Variants in PPP2CB observed in about 807,000 individuals in gnomAD.
PPP2CB encodes protein phosphatase 2 catalytic subunit beta, also known as serine/threonine-protein phosphatase 2A catalytic subunit beta isoform.
A neutral mutation model predicts 39.1 loss-of-function variants in PPP2CB; 18 were observed. The ratio of observed to expected loss-of-function variants is 0.46; its 90% confidence interval spans 0.32 to 0.68. The LOEUF is 0.68. Among genes scored for constraint, PPP2CB ranks in the 30% least tolerant of loss-of-function variants. The probability of loss-of-function intolerance (pLI) is 0.04; values close to 1 mark genes in which losing one functional copy is unlikely to be tolerated. For missense variants in PPP2CB, 226 were observed against 396.9 expected (o/e 0.57, Z 3.66); for synonymous variants, 129 against 133.8 (o/e 0.96, Z 0.25).
In PPP2CB at chr8:30,785,824, T is replaced by C. The variant is rs952852688; in HGVS notation, c.*411A>G. The C allele has an allele frequency of 7.7e-5, 25 of 322,932 alleles. No homozygotes were observed. The East Asian group carries it at 2.1e-3, about 27-fold the overall frequency. The allele number at this position is 322,932 out of a possible 1,614,324, so 20.0% of individuals were successfully genotyped here. On this transcript the variant is annotated 3_prime_UTR_variant, in exon 7 of 7. Coordinates refer to ENST00000221138, the MANE Select transcript of PPP2CB (RefSeq NM_001009552.2). Reference sequence around the variant, plus strand: ...TTATACATTTCAATAAAATAAAGGATAATGGATTAGTGGAAGTTAGCTTGT... The same window carrying C: ...TTATACATTTCAATAAAATAAAGGACAATGGATTAGTGGAAGTTAGCTTGT...
At position 30,787,924 on chromosome 8, in the gene PPP2CB, T is replaced by A. The variant is rs543090212; in HGVS notation, c.858-1617A>T. 3.9e-5 allele frequency among the ~76,000 whole-genome samples: 6 copies of A among 152,300 alleles called. No individual in the cohort carries two copies. The South Asian group carries it at 1.0e-3, about 26-fold the overall frequency. On this transcript the variant is annotated intron_variant, in intron 6 of 6. Transcript: ENST00000221138. ...TTCATATTTCTTGAGTCAGTTTCAG[T>A]AGTTTCTTTTTAGGAATTAGTACGT...
intron 1 of PPP2CB, among the ~76,000 whole-genome samples, chr8:30,811,647 C>G (rs1806828932): frequency 1.3e-5 from 2 of 151,922 alleles, no homozygotes; most frequent in Admixed American, 1.3e-4. Context: ...AGGCACCCGC[C>G]GTCACACCCT....
chr8:30,793,783 A>G, intron 5 of PPP2CB, 134 bp downstream of exon 5: 1 of 1,063,470 alleles, frequency 9.4e-7, no homozygotes, highest in African/African-American at 1.6e-5. Context: ...CCTACTTGCT[A>G]AAACCAGCAA....
intron 3 of PPP2CB, among the ~76,000 whole-genome samples, chr8:30,796,925 C>A (rs1170943810): frequency 6.6e-6 from 1 of 152,172 alleles, no homozygotes; most frequent in Non-Finnish European, 1.5e-5. Flanking sequence ...CTCACTGCAG[C>A]CTTAACTTCC....
At chr8:30,804,796 T>C (rs1410101426) in intron 1 of PPP2CB, among the ~76,000 whole-genome samples, 1 of 152,166 alleles carries the variant, frequency 6.6e-6, no homozygotes, top group Non-Finnish European at 1.5e-5. Flanking sequence ...AGAACAGTGT[T>C]AGGGACTGTG....
At chr8:30,804,714 C>T (rs1007110576) in intron 1 of PPP2CB, among the ~76,000 whole-genome samples, 1 of 152,118 alleles carries the variant, frequency 6.6e-6, no homozygotes. Flanking sequence ...TTATAGTTCA[C>T]TGAACTTTAT....
chr8:30,805,067 C>A (rs536966432), intron 1 of PPP2CB, among the ~76,000 whole-genome samples: 1 of 152,210 alleles, frequency 6.6e-6, no homozygotes, highest in East Asian at 1.9e-4. Context: ...GTTGAATGTA[C>A]GGGATAACTA....
At chr8:30,805,819 A>G (rs1451449338) in intron 1 of PPP2CB, among the ~76,000 whole-genome samples, 1 of 152,228 alleles carries the variant, frequency 6.6e-6, no homozygotes, top group Non-Finnish European at 1.5e-5. Flanking sequence ...ATGCTATTAT[A>G]ACGCAAGTCA....
chr8:30,809,244 A>T (rs1049575084), intron 1 of PPP2CB, among the ~76,000 whole-genome samples: 5 of 151,440 alleles, frequency 3.3e-5, no homozygotes, highest in African/African-American at 1.2e-4. Context: ...CTCACAACCA[A>T]CCCGGGAGGA....
chr8:30,807,528 C>T (rs995407042), intron 1 of PPP2CB, among the ~76,000 whole-genome samples: 2 of 152,176 alleles, frequency 1.3e-5, no homozygotes, highest in Non-Finnish European at 2.9e-5. Context: ...TCTACACAAG[C>T]CTCGACATTT....
intron 2 of PPP2CB, 124 bp downstream of exon 2, chr8:30,799,422 C>T: frequency 1.3e-6 from 1 of 746,688 alleles, no homozygotes; most frequent in East Asian, 2.7e-5. Flanking sequence ...AGATGTAAAA[C>T]CAATTATTAT....
chr8:30,794,632 C>T, intron 3 of PPP2CB: 1 of 253,018 alleles, frequency 4.0e-6, no homozygotes, highest in Non-Finnish European at 7.6e-6. Flanking sequence ...TGCTGTGCTG[C>T]TGAGGATGGA....
At chr8:30,811,035 T>TA (rs1266471842) in intron 1 of PPP2CB, among the ~76,000 whole-genome samples, 2 of 152,172 alleles carry the variant, frequency 1.3e-5, no homozygotes, top group Non-Finnish European at 2.9e-5. Context: ...ATTTTTAACC[T>TA]AAAAATACAT....
At chr8:30,800,381 T>C (rs1244943823) in intron 1 of PPP2CB, among the ~76,000 whole-genome samples, 1 of 152,208 alleles carries the variant, frequency 6.6e-6, no homozygotes, top group Non-Finnish European at 1.5e-5. Flanking sequence ...AGAATAATCT[T>C]ATTATTCACA....
intron 3 of PPP2CB, among the ~76,000 whole-genome samples, chr8:30,795,022 G>GT (rs1354502752): frequency 2.0e-5 from 3 of 151,094 alleles, no homozygotes; most frequent in Non-Finnish European, 4.4e-5. Context: ...TTTCTGTTTT[G>GT]TTTTTTGTAA....
At chr8:30,791,971 TATATGTGTATATATACGTGTGC>T (rs1379256322) in intron 5 of PPP2CB, among the ~76,000 whole-genome samples, 1 of 88,122 alleles carries the variant, frequency 1.1e-5, no homozygotes, top group Non-Finnish European at 2.0e-5. Context: ...TATACGTGTG[TATATGTGTATATATACGTGTGC>T]ATATATGTAT....
chr8:30,792,939 G>T (rs184869169), intron 5 of PPP2CB, among the ~76,000 whole-genome samples: 1 of 151,876 alleles, frequency 6.6e-6, no homozygotes, highest in South Asian at 2.1e-4. Context: ...CTGGGCTGGC[G>T]AAGTTTTCTC....
chr8:30,790,360 G>A (rs961932626), intron 6 of PPP2CB, among the ~76,000 whole-genome samples: 6 of 152,156 alleles, frequency 3.9e-5, no homozygotes, highest in African/African-American at 1.4e-4. Flanking sequence ...TGAACAACAT[G>A]TTGCTCTGCT....
At position 30,808,922 on chromosome 8, in the gene PPP2CB, CTTTT is replaced by C. The variant is rs34287210; in HGVS notation, c.102+3394_102+3397del. Among the ~76,000 whole-genome samples the C allele has an allele frequency of 4.2e-4, 49 of 116,744 alleles. No individual in the cohort carries two copies. In the East Asian group the frequency reaches 5.0e-3, roughly 12 times the overall value. The allele number at this position is 116,744 out of a possible 152,430, so 76.6% of individuals were successfully genotyped here. On this transcript the variant is annotated intron_variant, in intron 1 of 6. Transcript: ENST00000221138. Reference sequence around the variant, plus strand: ...ACTTCTCATTAGGACTTTACATGGCCTTTTTTTTTTTTTTTTTTTTTTGAGAAAA... The same window carrying C: ...ACTTCTCATTAGGACTTTACATGGCCTTTTTTTTTTTTTTTTTTGAGAAAA...
Sources: gnomAD v4.1 joint callset for allele counts (sites outside exome capture counted in the v4.1 genomes callset) on GRCh38, gnomAD v4.1.1 for gene constraint, MANE v1.5 for transcripts, NCBI Gene and HGNC (gene_info 2026-07-23, HGNC 2026-07-21) for gene names.